The following ARHGAP28 variants were observed in gnomAD, a reference collection of about 807,000 sequenced individuals.
The protein encoded by ARHGAP28 is rho GTPase-activating protein 28.
A neutral mutation model predicts 90.7 loss-of-function variants in ARHGAP28; 56 were observed. The observed-to-expected ratio is 0.62, with a 90% CI of 0.50 to 0.77. The LOEUF is 0.77. Ranked by LOEUF, ARHGAP28 falls within the 30% of genes least tolerant of loss-of-function variation. The pLI is 0.00. For synonymous variants in ARHGAP28, 308 were observed against 323.3 expected, an observed-to-expected ratio of 0.95 and a Z score of 0.51; for missense variants, 869 against 900.9, an observed-to-expected ratio of 0.96 and a Z score of 0.45.
intron 1 of ARHGAP28, among the ~76,000 whole-genome samples, chr18:6,780,372 A>T (rs1470822562): frequency 6.6e-6 from 1 of 152,240 alleles, no homozygotes; most frequent in Non-Finnish European, 1.5e-5. Context: ...GTAACTCTTT[A>T]CATAGGGTTT....
chr18:6,780,686 C>T (rs939434997), intron 1 of ARHGAP28, among the ~76,000 whole-genome samples: 2 of 152,124 alleles, frequency 1.3e-5, no homozygotes, highest in African/African-American at 2.4e-5. Context: ...GTCAGGAGTT[C>T]GAGACCAGCC....
intron 17 of ARHGAP28, among the ~76,000 whole-genome samples, chr18:6,909,834 G>A (rs2057386514): frequency 6.6e-6 from 1 of 152,096 alleles, no homozygotes; most frequent in African/African-American, 2.4e-5. Context: ...TGCTCCCACT[G>A]AGGGCAGTGC....
At chr18:6,816,480 C>A (rs2056591377) in intron 1 of ARHGAP28, among the ~76,000 whole-genome samples, 1 of 152,168 alleles carries the variant, frequency 6.6e-6, no homozygotes, top group Non-Finnish European at 1.5e-5. Flanking sequence ...TACAGGCTCA[C>A]TGCAATCAGT....
At chr18:6,885,824 G>C (rs565674087) in intron 11 of ARHGAP28, among the ~76,000 whole-genome samples, 11 of 137,068 alleles carry the variant, frequency 8.0e-5, no homozygotes, top group Non-Finnish European at 1.7e-4. Flanking sequence ...TTTTAATTGC[G>C]TTGGAAGATT....
chr18:6,862,078 G>T (rs2057003065), intron 5 of ARHGAP28, among the ~76,000 whole-genome samples: 1 of 152,154 alleles, frequency 6.6e-6, no homozygotes, highest in African/African-American at 2.4e-5. Context: ...TGGATTGTTT[G>T]TTACTCAGAG....
chr18:6,905,360 C>T (rs1302769402), intron 16 of ARHGAP28, among the ~76,000 whole-genome samples: 5 of 151,964 alleles, frequency 3.3e-5, no homozygotes, highest in Non-Finnish European at 7.4e-5. Flanking sequence ...AAATCCAACA[C>T]CGAGTCATGA....
intron 1 of ARHGAP28, among the ~76,000 whole-genome samples, chr18:6,819,357 TA>T (rs1391733988): frequency 6.6e-6 from 1 of 152,142 alleles, no homozygotes; most frequent in Non-Finnish European, 1.5e-5. Flanking sequence ...ATCTATATTT[TA>T]AAAACTATGT....
chr18:6,741,192 A>C (rs2055974388), intron 1 of ARHGAP28, among the ~76,000 whole-genome samples: 1 of 152,358 alleles, frequency 6.6e-6, no homozygotes, highest in South Asian at 2.1e-4. Flanking sequence ...TCAACAGAGT[A>C]AGCAATTAAT....
At position 6,889,950 on chromosome 18, in the gene ARHGAP28, G is replaced by T; in HGVS notation, c.1599G>T (p.Trp533Cys). ...AATCAAAAAACCGAATGAGTCTGTG[G>T]AACATTTCTACAGTGATGGCACCAA... Reference protein sequence around the residue: ...ANESKNRMSLWNISTVMAPNL... With the variant: ...ANESKNRMSLCNISTVMAPNL... Residue 533 changes from tryptophan (W) to cysteine (C), a missense_variant, in exon 13 of 18, where the codon TGG (tryptophan) becomes TGT (cysteine). Physicochemically the swap from Trp to Cys is radical, Grantham distance 215 (BLOSUM62 -2). Coordinates refer to ENST00000383472, the MANE Select transcript of ARHGAP28 (RefSeq NM_001366230.1). The T allele has an allele frequency of 1.2e-6, 2 of 1,614,160 alleles. No homozygotes were observed. The highest frequency in any genetic ancestry group is 1.7e-6 in the Non-Finnish European group (2 of 1,180,024).
At chr18:6,887,947 G>A (rs981479482) in intron 12 of ARHGAP28, among the ~76,000 whole-genome samples, 1 of 152,178 alleles carries the variant, frequency 6.6e-6, no homozygotes, top group African/African-American at 2.4e-5. Context: ...TACTGAAGTG[G>A]AAAGAAAACT....
intron 3 of ARHGAP28, among the ~76,000 whole-genome samples, chr18:6,839,630 T>G (rs2056788706): frequency 6.6e-6 from 1 of 152,214 alleles, no homozygotes; most frequent in African/African-American, 2.4e-5. Context: ...AGTGCAAGTT[T>G]CTAAGTCAGC....
At chr18:6,875,748 A>G (rs948726862) in intron 9 of ARHGAP28, among the ~76,000 whole-genome samples, 7 of 152,226 alleles carry the variant, frequency 4.6e-5, no homozygotes, top group Admixed American at 3.9e-4. Flanking sequence ...AGTCAGAGTG[A>G]TTGCAACCAA....
chr18:6,904,389 G>A (rs540729538), intron 16 of ARHGAP28, among the ~76,000 whole-genome samples: 41 of 152,174 alleles, frequency 2.7e-4, no homozygotes, highest in Non-Finnish European at 4.0e-4. Context: ...GTGAGACTCC[G>A]TCTCAAAAAT....
chr18:6,829,088 A>T lies in ARHGAP28; in HGVS notation c.325+4124A>T, dbSNP rs373677673. On this transcript the variant is annotated intron_variant, in intron 2 of 17. Transcript: ENST00000383472. Reference sequence around the variant, plus strand: ...AAAACGCCCCACCACACATGTAACGAGAATCCATTCAAGGGAACCATCCTC... The same window carrying T: ...AAAACGCCCCACCACACATGTAACGTGAATCCATTCAAGGGAACCATCCTC... Among the ~76,000 whole-genome samples, 40 of 152,368 alleles carry T rather than the reference A, an allele frequency of 2.6e-4. No homozygotes were observed. The South Asian group carries it at 8.3e-3, about 32-fold the overall frequency.
intron 1 of ARHGAP28, among the ~76,000 whole-genome samples, chr18:6,820,688 A>T (rs2056620997): frequency 6.6e-6 from 1 of 152,178 alleles, no homozygotes; most frequent in Non-Finnish European, 1.5e-5. Flanking sequence ...ATTGTAACTG[A>T]CTCTCATCAG....
chr18:6,837,318 G>A lies in ARHGAP28; in HGVS notation c.447G>A (p.Val149=), dbSNP rs777786342. ...TGACTCGAACCCAAGCAGCTGCCGT[G>A]CAAAAGAGATACCATACCTATACCC... ...STLTRTQAAA[V]QKRYHTYTQT... The change falls in exon 3 of 18, where the codon GTG becomes GTA. Residue 149 remains valine, a synonymous_variant. Transcript: ENST00000383472. 1.2e-6 allele frequency: 2 copies of A among 1,613,550 alleles called. No homozygotes were observed. Among genetic ancestry groups the A allele is most frequent in the African/African-American group, 2.7e-5 (2 of 74,834 alleles).
intron 1 of ARHGAP28, among the ~76,000 whole-genome samples, chr18:6,731,041 A>G (rs564759163): frequency 6.6e-6 from 1 of 152,330 alleles, no homozygotes; most frequent in East Asian, 1.9e-4. Flanking sequence ...CAAGAGATCT[A>G]TGTTGGGCTT....
chr18:6,813,022 C>T (rs1252271726), intron 1 of ARHGAP28, among the ~76,000 whole-genome samples: 3 of 152,144 alleles, frequency 2.0e-5, no homozygotes, highest in African/African-American at 7.2e-5. Flanking sequence ...GAACTAATGT[C>T]AAATGCTTTC....
chr18:6,871,240 G>C (rs1251266385), intron 7 of ARHGAP28, among the ~76,000 whole-genome samples: 1 of 152,204 alleles, frequency 6.6e-6, no homozygotes, highest in East Asian at 1.9e-4. Context: ...TACCTGTGTG[G>C]AGGAAAAGTT....
Sources: allele counts gnomAD v4.1 joint callset (sites outside exome capture counted in the v4.1 genomes callset), GRCh38; gene constraint gnomAD v4.1.1; transcripts MANE v1.5; gene names NCBI Gene and HGNC (gene_info 2026-07-23, HGNC 2026-07-21).